The following PRKG1 variants were observed in gnomAD, a reference collection of about 807,000 sequenced individuals.
The protein encoded by PRKG1 is protein kinase cGMP-dependent 1.
Under a neutral mutation model 88.1 loss-of-function variants are expected in PRKG1, and 35 were observed. The observed-to-expected ratio is 0.40, with a 90% CI of 0.30 to 0.53. The LOEUF (loss-of-function observed/expected upper bound fraction) is 0.53. PRKG1 is among the 20% of genes least tolerant of loss of function. The pLI is 0.59. For synonymous variants in PRKG1, 303 were observed against 292.5 expected (o/e 1.04, Z -0.37); for missense variants, 540 against 839.8 (o/e 0.64, Z 4.41).
At chr10:52,008,304 G>A (rs11000436) in intron 5 of PRKG1, among the ~76,000 whole-genome samples, 38,877 of 151,826 alleles carry the variant, frequency 0.26, 5,434 homozygotes, top group Non-Finnish European at 0.33. Flanking sequence ...AAATTGAAAC[G>A]TGTAAAACCA....
At chr10:51,248,117 T>C (rs554296021) in intron 2 of PRKG1, among the ~76,000 whole-genome samples, 24 of 152,018 alleles carry the variant, frequency 1.6e-4, no homozygotes, top group African/African-American at 5.8e-4. Context: ...CTGTGGCTGT[T>C]GAAAAACTAA....
At chr10:51,440,936 A>G (rs1185514368) in intron 2 of PRKG1, among the ~76,000 whole-genome samples, 1 of 152,048 alleles carries the variant, frequency 6.6e-6, no homozygotes, top group Non-Finnish European at 1.5e-5. Context: ...GTTGAAGCCT[A>G]TAAAATCAGG....
intron 3 of PRKG1, among the ~76,000 whole-genome samples, chr10:51,734,839 G>T (rs558229635): frequency 2.0e-5 from 3 of 152,110 alleles, no homozygotes; most frequent in African/African-American, 4.8e-5. Flanking sequence ...ATGGGCTATT[G>T]TTCTATTTGT....
At chr10:51,413,124 A>C (rs1273762281) in intron 2 of PRKG1, among the ~76,000 whole-genome samples, 1 of 152,214 alleles carries the variant, frequency 6.6e-6, no homozygotes, top group Non-Finnish European at 1.5e-5. Flanking sequence ...CCTAATTCAA[A>C]ATGACAAATA....
chr10:51,530,449 C>G (rs1398721379), intron 3 of PRKG1, among the ~76,000 whole-genome samples: 1 of 152,222 alleles, frequency 6.6e-6, no homozygotes, highest in African/African-American at 2.4e-5. Context: ...ACTTAATTTT[C>G]CATAACAGAA....
At chr10:51,161,971 T>G (rs927034213) in intron 2 of PRKG1, among the ~76,000 whole-genome samples, 1 of 152,218 alleles carries the variant, frequency 6.6e-6, no homozygotes, top group Admixed American at 6.5e-5. Flanking sequence ...TTGAAGAGTT[T>G]GCATGCTGAA....
chr10:51,484,829 C>G (rs1260797447), intron 3 of PRKG1, among the ~76,000 whole-genome samples: 1 of 142,594 alleles, frequency 7.0e-6, no homozygotes, highest in Admixed American at 7.0e-5. Context: ...TCACAGTCAG[C>G]TTTTTCCTTC....
chr10:52,215,983 T>C (rs1224287552), intron 9 of PRKG1, among the ~76,000 whole-genome samples: 2 of 152,084 alleles, frequency 1.3e-5, no homozygotes, highest in Admixed American at 1.3e-4. Flanking sequence ...ATAGAATTGT[T>C]CAAGAAACAT....
intron 2 of PRKG1, among the ~76,000 whole-genome samples, chr10:51,369,675 CA>C (rs1424445984): frequency 6.6e-6 from 1 of 152,098 alleles, no homozygotes; most frequent in African/African-American, 2.4e-5. Context: ...GTTTGCTTAG[CA>C]TCACACTATC....
intron 5 of PRKG1, among the ~76,000 whole-genome samples, chr10:51,998,460 G>A (rs1344494465): frequency 2.6e-5 from 4 of 152,024 alleles, no homozygotes; most frequent in Non-Finnish European, 4.4e-5. Flanking sequence ...TCTTGGAGTA[G>A]TCATTACTTT....
At chr10:51,404,993 C>T (rs901275437) in intron 2 of PRKG1, among the ~76,000 whole-genome samples, 1 of 152,138 alleles carries the variant, frequency 6.6e-6, no homozygotes, top group African/African-American at 2.4e-5. Context: ...CTCACTTCTG[C>T]AGTATGAGTA....
chr10:51,073,836 C>T (rs1843874986), upstream of PRKG1, among the ~76,000 whole-genome samples: 1 of 152,144 alleles, frequency 6.6e-6, no homozygotes, highest in East Asian at 1.9e-4. Flanking sequence ...CAAGCGTTAG[C>T]CACCTGTGTG....
intron 1 of PRKG1, among the ~76,000 whole-genome samples, chr10:51,081,212 A>G (rs1448994688): frequency 1.3e-5 from 2 of 152,208 alleles, no homozygotes; most frequent in African/African-American, 4.8e-5. Flanking sequence ...TAAGCAATGA[A>G]AAAAGCTGGA....
At chr10:51,696,598 T>G (rs1841299256) in intron 3 of PRKG1, 1 of 152,082 alleles carries the variant, frequency 6.6e-6, no homozygotes, top group Non-Finnish European at 1.5e-5. Flanking sequence ...TGGCAGAACC[T>G]TGCTGGTCTC....
At chr10:51,132,271 G>A (rs917499974) in intron 1 of PRKG1, among the ~76,000 whole-genome samples, 1 of 152,174 alleles carries the variant, frequency 6.6e-6, no homozygotes, top group African/African-American at 2.4e-5. Context: ...TTGCCTGCCT[G>A]AGGCTACTTG....
intron 5 of PRKG1, among the ~76,000 whole-genome samples, chr10:51,928,605 C>G (rs1051493400): frequency 3.9e-5 from 6 of 152,174 alleles, no homozygotes; most frequent in African/African-American, 1.4e-4. Flanking sequence ...CTTCTTTCAT[C>G]TGCTTCTTAA....
At chr10:51,311,749 G>A (rs778657813) in intron 2 of PRKG1, among the ~76,000 whole-genome samples, 1 of 152,172 alleles carries the variant, frequency 6.6e-6, no homozygotes, top group Non-Finnish European at 1.5e-5. Context: ...CATTAGACAA[G>A]GAGAAGATGA....
intron 3 of PRKG1, among the ~76,000 whole-genome samples, chr10:51,747,730 A>G (rs1486008721): frequency 6.6e-6 from 1 of 152,106 alleles, no homozygotes; most frequent in Non-Finnish European, 1.5e-5. Flanking sequence ...TAACCATTTT[A>G]CAAAATACAG....
intron 4 of PRKG1, among the ~76,000 whole-genome samples, chr10:51,883,049 T>C (rs1841476098): frequency 6.6e-6 from 1 of 152,162 alleles, no homozygotes; most frequent in Non-Finnish European, 1.5e-5. Flanking sequence ...TCTTCACCAA[T>C]GTGGGCAGAC....
Sources: gnomAD v4.1 joint callset for allele counts (sites outside exome capture counted in the v4.1 genomes callset) on GRCh38, gnomAD v4.1.1 for gene constraint, MANE v1.5 for transcripts, NCBI Gene and HGNC (gene_info 2026-07-23, HGNC 2026-07-21) for gene names.